ENTPD5: variants seen among roughly 807,000 people sequenced by gnomAD.
The protein encoded by ENTPD5 is ectonucleoside triphosphate diphosphohydrolase 5 (inactive).
ENTPD5 carries 49 observed loss-of-function variants against 60.2 expected under a neutral mutation model. That is an observed-to-expected ratio of 0.81 (90% CI 0.65 to 1.03). ENTPD5 has a LOEUF of 1.03. ENTPD5 is among the 50% of genes least tolerant of loss of function. The probability of loss-of-function intolerance (pLI) is 0.00; values close to 1 mark genes in which losing one functional copy is unlikely to be tolerated. For synonymous variants in ENTPD5, 187 were observed against 185.4 expected (o/e 1.01, Z -0.07); for missense variants, 480 against 507.6 (o/e 0.95, Z 0.52).
At chr14:73,986,732 T>C (rs763804474) in intron 5 of ENTPD5, 82 bp downstream of exon 5, 32 of 933,084 alleles carry the variant, frequency 3.4e-5, no homozygotes, top group Non-Finnish European at 5.1e-5. Flanking sequence ...CATTAGTGAA[T>C]AGCATGAAAT....
chr14:73,994,253 G>A (rs1264513752), intron 3 of ENTPD5, among the ~76,000 whole-genome samples: 2 of 151,800 alleles, frequency 1.3e-5, no homozygotes, highest in Non-Finnish European at 2.9e-5. Context: ...AGCCTCCCTA[G>A]AAGCTAGGAT....
downstream of ENTPD5, chr14:73,958,032 T>G: frequency 1.2e-6 from 1 of 853,990 alleles, no homozygotes; most frequent in Non-Finnish European, 2.0e-6. Context: ...TTTTTTAATC[T>G]TAAATGACAA....
intron 4 of ENTPD5, 74 bp from the exon 5 acceptor site, chr14:73,986,967 T>A: frequency 8.9e-7 from 1 of 1,124,030 alleles, no homozygotes; most frequent in Non-Finnish European, 1.4e-6. Context: ...TGCTGGGCTC[T>A]GTCTCTGTAA....
chr14:73,970,446 C>G (rs2057175661), intron 14 of ENTPD5, among the ~76,000 whole-genome samples: 1 of 150,630 alleles, frequency 6.6e-6, no homozygotes, highest in Non-Finnish European at 1.5e-5. Context: ...GAGCCGAGAT[C>G]TCACCACTGC....
Position 73,987,931 on chromosome 14 carries a change from T to C in ENTPD5, c.172A>G (p.Thr58Ala), listed in dbSNP as rs1265355409. 1.2e-6 allele frequency: 2 copies of C among 1,614,192 alleles called. No homozygotes were observed. Among genetic ancestry groups the C allele is most frequent in the Middle Eastern group, 1.6e-4 (1 of 6,062 alleles). Residue 58 changes from threonine (T) to alanine (A), a missense_variant, in exon 4 of 16, where the codon ACT becomes GCT. Transcript: ENST00000334696. ...LYGIMFDAGSTGTRIHVYTFV... is the reference protein window; with the variant it reads ...LYGIMFDAGSAGTRIHVYTFV... Reference sequence around the variant, plus strand: ...GTGTAAACATGAATTCGAGTTCCAGTGCTCCCTGCATCAAACATAATTCCA... The same window carrying C: ...GTGTAAACATGAATTCGAGTTCCAGCGCTCCCTGCATCAAACATAATTCCA...
At chr14:74,015,721 A>G (rs536330686) in intron 2 of ENTPD5, 103 bp downstream of exon 2, 20 of 152,300 alleles carry the variant, frequency 1.3e-4, no homozygotes, top group Non-Finnish European at 1.3e-4. Flanking sequence ...CAAAATTAAC[A>G]TCACTTGGCA....
chr14:73,962,911 T>A (rs2056816753), downstream of ENTPD5: 1 of 1,366,618 alleles, frequency 7.3e-7, no homozygotes, highest in East Asian at 2.3e-5. Context: ...TTATCTACAA[T>A]AATTATTTTC....
chr14:73,988,222 AC>A, intron 3 of ENTPD5, 50 bp from the exon 4 acceptor site: 1 of 1,443,792 alleles, frequency 6.9e-7, no homozygotes, highest in South Asian at 1.5e-5. Context: ...TTTTAGTTAC[AC>A]CTGTAAAAGA....
intron 14 of ENTPD5, among the ~76,000 whole-genome samples, chr14:73,971,098 A>G (rs1169804166): frequency 6.6e-6 from 1 of 152,114 alleles, no homozygotes; most frequent in African/African-American, 2.4e-5. Context: ...TTAAAAAAGA[A>G]AGCAAGAAAT....
intron 3 of ENTPD5, among the ~76,000 whole-genome samples, chr14:73,989,598 C>A (rs1400866959): frequency 6.6e-6 from 1 of 151,908 alleles, no homozygotes; most frequent in Non-Finnish European, 1.5e-5. Flanking sequence ...CTTTGGGAGG[C>A]CGAGGCAGGC....
downstream of ENTPD5, chr14:73,959,501 G>T (rs150313058): frequency 7.1e-5 from 115 of 1,614,164 alleles, no homozygotes; most frequent in African/African-American, 1.4e-3. Context: ...AAAAATTTGT[G>T]GATGCCGTTA....
rs1202107059 is a variant in ENTPD5 at position 73,966,820 on chromosome 14, C to A, written c.*108G>T. The A allele has an allele frequency of 8.4e-6, 7 of 828,814 alleles. No individual in the cohort carries two copies. The highest frequency in any genetic ancestry group is 1.4e-5 in the Non-Finnish European group (7 of 497,564). The allele number at this position is 828,814 out of a possible 1,614,324, so 51.3% of individuals were successfully genotyped here. A position where few individuals can be genotyped will look rare whatever the true frequency, so the allele number is the denominator to read the frequency against. ...TGTGTAAAATTAATTAAACCTAAAT[C>A]TCTAGGCTCAAGTCCAGGATGTCCC... On this transcript the variant is annotated 3_prime_UTR_variant, in exon 16 of 16. Transcript: ENST00000334696.
At chr14:73,984,909 C>T (rs2057837685) in intron 5 of ENTPD5, among the ~76,000 whole-genome samples, 1 of 152,146 alleles carries the variant, frequency 6.6e-6, no homozygotes. Flanking sequence ...TCCCGCCACC[C>T]CACGACAGGC....
intron 1 of ENTPD5, among the ~76,000 whole-genome samples, chr14:74,016,507 A>G (rs2059021615): frequency 6.6e-6 from 1 of 152,112 alleles, no homozygotes; most frequent in African/African-American, 2.4e-5. Context: ...ATGGTGGTGC[A>G]TGCCTACAGT....
chr14:73,992,631 C>T (rs976436420), intron 3 of ENTPD5, among the ~76,000 whole-genome samples: 12 of 144,450 alleles, frequency 8.3e-5, no homozygotes, highest in Non-Finnish European at 8.9e-5. Context: ...CTGCAGCAAG[C>T]GGAGATTGTG....
At chr14:73,990,616 AC>A (rs1024799986) in intron 3 of ENTPD5, among the ~76,000 whole-genome samples, 6 of 151,806 alleles carry the variant, frequency 4.0e-5, no homozygotes, top group Admixed American at 3.9e-4. Context: ...GGCATGAGCC[AC>A]TTCACCCAGC....
chr14:74,017,085 G>A (rs1423641170), intron 1 of ENTPD5, among the ~76,000 whole-genome samples: 10 of 152,330 alleles, frequency 6.6e-5, no homozygotes, highest in African/African-American at 2.4e-5. Context: ...TTGGTAGGCC[G>A]AGGCGGGCGG....
intron 14 of ENTPD5, 148 bp downstream of exon 14, chr14:73,971,704 C>A: frequency 1.5e-6 from 1 of 682,478 alleles, no homozygotes; most frequent in Non-Finnish European, 2.7e-6. Context: ...ATGCTTTTAA[C>A]TTTTAGCAAA....
chr14:74,006,893 A>C (rs564556874), intron 3 of ENTPD5, among the ~76,000 whole-genome samples: 1 of 152,122 alleles, frequency 6.6e-6, no homozygotes, highest in Non-Finnish European at 1.5e-5. Context: ...TATTCAACTA[A>C]AAGTCAGATA....
Sources: gnomAD v4.1 joint callset for allele counts (sites outside exome capture counted in the v4.1 genomes callset) on GRCh38, gnomAD v4.1.1 for gene constraint, MANE v1.5 for transcripts, NCBI Gene and HGNC (gene_info 2026-07-23, HGNC 2026-07-21) for gene names.